The following COX7B2 variants were observed in gnomAD, a reference collection of about 807,000 sequenced individuals.
The protein encoded by COX7B2 is cytochrome c oxidase subunit 7B2, also known as cytochrome c oxidase subunit 7B2, mitochondrial.
For synonymous variants in COX7B2, 37 were observed against 32.1 expected, an observed-to-expected ratio of 1.15 and a Z score of -0.51; for missense variants, 109 against 95.9, an observed-to-expected ratio of 1.14 and a Z score of -0.57.
intron 2 of COX7B2, among the ~76,000 whole-genome samples, chr4:46,740,557 T>C (rs1240586623): frequency 6.6e-6 from 1 of 152,050 alleles, no homozygotes; most frequent in Non-Finnish European, 1.5e-5. Flanking sequence ...AACATTCCTG[T>C]AGGTGAGGAG....
At chr4:46,818,057 T>C (rs1719644838) in intron 2 of COX7B2, among the ~76,000 whole-genome samples, 1 of 152,196 alleles carries the variant, frequency 6.6e-6, no homozygotes, top group Non-Finnish European at 1.5e-5. Context: ...TTATGCTCAT[T>C]ACAAAAGGTA....
At chr4:46,759,604 A>G (rs563038724) in intron 2 of COX7B2, among the ~76,000 whole-genome samples, 170 of 152,188 alleles carry the variant, frequency 1.1e-3, no homozygotes, top group African/African-American at 4.0e-3. Flanking sequence ...AAAGCTCATC[A>G]TCGCTGGTCA....
chr4:46,802,357 C>T (rs1453684801), intron 2 of COX7B2, among the ~76,000 whole-genome samples: 1 of 152,064 alleles, frequency 6.6e-6, no homozygotes, highest in Non-Finnish European at 1.5e-5. Context: ...GTTAAACATC[C>T]TGGAAGGTCT....
At position 46,831,240 on chromosome 4, in the gene COX7B2, G is replaced by T. The variant is rs545008869; in HGVS notation, c.-50+13720C>A. ...AGCAGTGCCGGCCCACCAACGCAGC[G>T]CTTGATTTCTCACCAGGCCTTAGCT... On this transcript the variant is annotated intron_variant, in intron 2 of 2. Coordinates refer to ENST00000355591, the MANE Select transcript of COX7B2 (RefSeq NM_130902.3). Among the ~76,000 whole-genome samples, 48 of 152,124 alleles carry T rather than the reference G, an allele frequency of 3.2e-4. 1 individual carries two copies. The highest frequency in any genetic ancestry group is 1.0e-4 in the Non-Finnish European group (7 of 68,006).
chr4:46,754,623 C>T (rs115249934), intron 2 of COX7B2, among the ~76,000 whole-genome samples: 36,629 of 127,162 alleles, frequency 0.29, 6,912 homozygotes, highest in South Asian at 0.45. Context: ...CACATCATCA[C>T]GGGGCATGTA....
At chr4:46,870,155 A>T (rs1019571226) in intron 1 of COX7B2, among the ~76,000 whole-genome samples, 5 of 151,964 alleles carry the variant, frequency 3.3e-5, no homozygotes, top group Admixed American at 2.6e-4. Flanking sequence ...AGCTTGGTTT[A>T]TTTTACTGTT....
chr4:46,835,521 C>T (rs1394342283), intron 2 of COX7B2, among the ~76,000 whole-genome samples: 1 of 151,968 alleles, frequency 6.6e-6, no homozygotes, highest in Non-Finnish European at 1.5e-5. Flanking sequence ...CATTTTGGGA[C>T]AGTAAGCAGG....
intron 1 of COX7B2, among the ~76,000 whole-genome samples, chr4:46,847,786 CAG>C (rs1490251497): frequency 6.6e-6 from 1 of 151,908 alleles, no homozygotes; most frequent in African/African-American, 2.4e-5. Flanking sequence ...CCAGCTTTCT[CAG>C]AGAGGAATAG....
intron 2 of COX7B2, among the ~76,000 whole-genome samples, chr4:46,769,675 A>G (rs1183425632): frequency 6.6e-6 from 1 of 152,192 alleles, no homozygotes; most frequent in African/African-American, 2.4e-5. Flanking sequence ...AAGATCACAC[A>G]CTACACTCCA....
intron 2 of COX7B2, among the ~76,000 whole-genome samples, chr4:46,742,578 T>C (rs181717687): frequency 5.3e-4 from 81 of 152,262 alleles, no homozygotes; most frequent in African/African-American, 1.7e-3. Flanking sequence ...TGGCATCATC[T>C]CCTAAGTCAC....
intron 2 of COX7B2, among the ~76,000 whole-genome samples, chr4:46,766,304 A>G (rs1716529851): frequency 1.3e-5 from 2 of 152,216 alleles, no homozygotes; most frequent in Admixed American, 6.5e-5. Flanking sequence ...TTAAAAAACA[A>G]AAGTACTAAA....
intron 1 of COX7B2, among the ~76,000 whole-genome samples, chr4:46,850,253 A>G (rs1716584688): frequency 6.6e-6 from 1 of 151,776 alleles, no homozygotes; most frequent in African/African-American, 2.4e-5. Context: ...AATAATTTAA[A>G]TGATTTAAAA....
At chr4:46,899,675 A>G (rs552879954) in intron 1 of COX7B2, among the ~76,000 whole-genome samples, 1 of 152,342 alleles carries the variant, frequency 6.6e-6, no homozygotes, top group East Asian at 1.9e-4. Context: ...GACTTTATCC[A>G]ACTTAAATTT....
chr4:46,759,699 T>A (rs1308517435), intron 2 of COX7B2, among the ~76,000 whole-genome samples: 1 of 151,670 alleles, frequency 6.6e-6, no homozygotes, highest in Non-Finnish European at 1.5e-5. Flanking sequence ...GGAAACAACA[T>A]ATGCTGGAGA....
At chr4:46,833,683 C>T (rs1212232115) in intron 2 of COX7B2, among the ~76,000 whole-genome samples, 8 of 152,208 alleles carry the variant, frequency 5.3e-5, no homozygotes, top group Non-Finnish European at 1.2e-4. Flanking sequence ...CATTATGTCA[C>T]TTCATAATAC....
chr4:46,787,112 A>C (rs58530646), intron 2 of COX7B2, among the ~76,000 whole-genome samples: 3,185 of 152,302 alleles, frequency 0.021, 100 homozygotes, highest in African/African-American at 0.072. Context: ...ATTTCCTAGC[A>C]TCCTTTTGGA....
intron 2 of COX7B2, among the ~76,000 whole-genome samples, chr4:46,827,828 C>G (rs967455025): frequency 6.6e-6 from 1 of 152,046 alleles, no homozygotes; most frequent in Non-Finnish European, 1.5e-5. Context: ...TGAAGCCAAA[C>G]GCAAAATGTA....
intron 2 of COX7B2, among the ~76,000 whole-genome samples, chr4:46,788,330 A>G (rs960106853): frequency 9.2e-5 from 14 of 152,182 alleles, no homozygotes; most frequent in Admixed American, 6.5e-4. Flanking sequence ...CTGATAGACA[A>G]TAAAAAATCA....
chr4:46,770,700 A>G (rs1716826983), intron 2 of COX7B2, among the ~76,000 whole-genome samples: 1 of 152,186 alleles, frequency 6.6e-6, no homozygotes, highest in Non-Finnish European at 1.5e-5. Flanking sequence ...GATCTCCAAC[A>G]AAAGTATCAA....
Sources: allele counts gnomAD v4.1 joint callset (sites outside exome capture counted in the v4.1 genomes callset), GRCh38; gene constraint gnomAD v4.1.1; transcripts MANE v1.5; gene names NCBI Gene and HGNC (gene_info 2026-07-23, HGNC 2026-07-21).